The following LRBA variants were observed in gnomAD, a reference collection of about 807,000 sequenced individuals.
The protein encoded by LRBA is lipopolysaccharide-responsive and beige-like anchor protein.
In LRBA, 176 loss-of-function variants were observed where a neutral mutation model predicts 330.0. The ratio of observed to expected loss-of-function variants is 0.53; its 90% CI spans 0.47 to 0.60. LRBA has a LOEUF of 0.60. LRBA is among the 20% of genes least tolerant of loss of function. LRBA has a pLI of 0.00. For missense variants in LRBA, 3,259 were observed against 3,444.8 expected (o/e 0.95, Z 1.35); for synonymous variants, 1,230 against 1,193.0 (o/e 1.03, Z -0.64).
At chr4:150,333,881 A>T (rs1187665737) in intron 48 of LRBA, among the ~76,000 whole-genome samples, 3 of 152,184 alleles carry the variant, frequency 2.0e-5, no homozygotes, top group African/African-American at 7.2e-5. Flanking sequence ...CTAAGGCCAA[A>T]AAAGGACCCA....
chr4:150,700,060 T>C (rs775574448), intron 36 of LRBA, among the ~76,000 whole-genome samples: 3 of 152,156 alleles, frequency 2.0e-5, no homozygotes, highest in African/African-American at 7.2e-5. Context: ...CAACCAGTAA[T>C]ATAATACAAA....
chr4:150,493,222 G>A (rs2152108051), intron 40 of LRBA, among the ~76,000 whole-genome samples: 1 of 152,252 alleles, frequency 6.6e-6, no homozygotes. Flanking sequence ...GGGCTCAAGT[G>A]ATCCTCCTGC....
chr4:150,655,452 C>A (rs549389695), intron 37 of LRBA, among the ~76,000 whole-genome samples: 2 of 152,292 alleles, frequency 1.3e-5, no homozygotes, highest in South Asian at 2.1e-4. Context: ...GCCACCAAAT[C>A]TTTAAGACAG....
chr4:150,732,689 T>C (rs973946652), intron 36 of LRBA, among the ~76,000 whole-genome samples: 4 of 152,064 alleles, frequency 2.6e-5, no homozygotes, highest in Admixed American at 2.0e-4. Context: ...ATAGGCATTA[T>C]GTTTTTCCAA....
At chr4:150,729,992 A>C (rs1302449649) in intron 36 of LRBA, among the ~76,000 whole-genome samples, 1 of 152,210 alleles carries the variant, frequency 6.6e-6, no homozygotes, top group Non-Finnish European at 1.5e-5. Flanking sequence ...TGTAAAAATC[A>C]AATCAAAATA....
chr4:150,303,045 T>C (rs1189558311), intron 52 of LRBA, among the ~76,000 whole-genome samples: 1 of 152,242 alleles, frequency 6.6e-6, no homozygotes, highest in Non-Finnish European at 1.5e-5. Flanking sequence ...TTGAGGACCA[T>C]GGCACTGTAT....
At chr4:150,471,933 T>TA (rs1408981758) in intron 42 of LRBA, among the ~76,000 whole-genome samples, 194 bp from the exon 43 acceptor site, 2 of 152,100 alleles carry the variant, frequency 1.3e-5, no homozygotes, top group Non-Finnish European at 2.9e-5. Flanking sequence ...AGAGGTATTA[T>TA]ACATGTTGTA....
At chr4:150,378,792 C>T (rs1325340348) in intron 47 of LRBA, among the ~76,000 whole-genome samples, 4 of 151,882 alleles carry the variant, frequency 2.6e-5, no homozygotes, top group Non-Finnish European at 5.9e-5. Context: ...GTCTTCAAAT[C>T]GAATGACAAT....
intron 51 of LRBA, among the ~76,000 whole-genome samples, chr4:150,312,296 A>G (rs76869961): frequency 0.036 from 5,490 of 152,200 alleles, 243 homozygotes; most frequent in African/African-American, 0.097. Flanking sequence ...AAACTAGGGT[A>G]TGCATACCCC....
intron 33 of LRBA, among the ~76,000 whole-genome samples, chr4:150,800,235 A>G (rs905470707): frequency 6.6e-6 from 1 of 152,244 alleles, no homozygotes; most frequent in Admixed American, 6.5e-5. Flanking sequence ...AACATTTCAT[A>G]GTTCGGTTTG....
At chr4:150,505,194 C>T (rs1760883991) in intron 40 of LRBA, among the ~76,000 whole-genome samples, 1 of 152,084 alleles carries the variant, frequency 6.6e-6, no homozygotes, top group Non-Finnish European at 1.5e-5. Context: ...AACAAGGATA[C>T]CCAGGAACTG....
At chr4:150,433,848 A>G (rs1293733116) in intron 46 of LRBA, among the ~76,000 whole-genome samples, 2 of 152,120 alleles carry the variant, frequency 1.3e-5, no homozygotes, top group African/African-American at 4.8e-5. Flanking sequence ...ATAATTTTCA[A>G]GAGTATATCA....
chr4:150,585,954 G>C (rs1375845843), intron 40 of LRBA, among the ~76,000 whole-genome samples: 1 of 152,076 alleles, frequency 6.6e-6, no homozygotes, highest in Non-Finnish European at 1.5e-5. Context: ...GGTAAAAACA[G>C]TCCTGTGTTA....
At position 150,546,282 on chromosome 4, in the gene LRBA, G is replaced by A. The variant is rs547155042; in HGVS notation, c.6330+41766C>T. 2.0e-5 allele frequency among the ~76,000 whole-genome samples: 3 copies of A among 152,220 alleles called. No homozygotes were observed. In the South Asian group the frequency reaches 6.2e-4, roughly 32 times the overall value. The stretch of plus-strand genomic sequence containing the variant: ...AATTGGTGAACAAATACAATGTTTA[G>A]TATCATATTTAAAACCACTATTCAA... On this transcript the variant is annotated intron_variant, in intron 40 of 56. Transcript: ENST00000651943.
At chr4:150,576,528 C>T (rs1251123021) in intron 40 of LRBA, among the ~76,000 whole-genome samples, 1 of 151,872 alleles carries the variant, frequency 6.6e-6, no homozygotes, top group Non-Finnish European at 1.5e-5. Flanking sequence ...TTCCTGAGCA[C>T]AAGTCCCTTA....
chr4:150,924,285 AG>A (rs1049405288), intron 4 of LRBA, among the ~76,000 whole-genome samples: 7 of 152,112 alleles, frequency 4.6e-5, no homozygotes, highest in African/African-American at 1.4e-4. Context: ...GCCAAGGTGG[AG>A]GGATCGCTTG....
intron 37 of LRBA, among the ~76,000 whole-genome samples, chr4:150,668,723 T>C (rs1436239807): frequency 6.6e-6 from 1 of 152,126 alleles, no homozygotes; most frequent in East Asian, 1.9e-4. Context: ...AAAGATTATT[T>C]CAAAAACAAT....
chr4:150,830,630 A>T (rs1200368776), intron 29 of LRBA, among the ~76,000 whole-genome samples: 10 of 152,188 alleles, frequency 6.6e-5, no homozygotes, highest in Non-Finnish European at 1.5e-4. Flanking sequence ...ATCATGAAGG[A>T]AAGATTAAAA....
intron 5 of LRBA, among the ~76,000 whole-genome samples, chr4:150,919,873 C>A (rs900883245): frequency 1.3e-5 from 2 of 152,162 alleles, no homozygotes; most frequent in African/African-American, 4.8e-5. Flanking sequence ...AATGCATGCA[C>A]TGCAATCTCA....
Sources: gnomAD v4.1 joint callset for allele counts (sites outside exome capture counted in the v4.1 genomes callset) on GRCh38, gnomAD v4.1.1 for gene constraint, MANE v1.5 for transcripts, NCBI Gene and HGNC (gene_info 2026-07-23, HGNC 2026-07-21) for gene names.